Variants in PLIN3 observed in about 807,000 individuals in gnomAD.
The protein encoded by PLIN3 is perilipin-3.
Under a neutral mutation model 35.9 loss-of-function variants are expected in PLIN3, and 30 were observed. The observed-to-expected ratio is 0.84, with a 90% CI of 0.62 to 1.13. PLIN3 has a LOEUF of 1.13. Ranked by LOEUF, PLIN3 falls within the 50% of genes most tolerant of loss-of-function variation. The probability of loss-of-function intolerance (pLI) is 0.00; values close to 1 mark genes in which losing one functional copy is unlikely to be tolerated. For synonymous variants in PLIN3, 261 were observed against 262.5 expected (o/e 0.99, Z 0.06); for missense variants, 603 against 596.9 (o/e 1.01, Z -0.11).
At chr19:4,855,621 T>C (rs960225389) in intron 4 of PLIN3, among the ~76,000 whole-genome samples, 1 of 151,956 alleles carries the variant, frequency 6.6e-6, no homozygotes, top group Admixed American at 6.6e-5. Context: ...TGAGATGGAG[T>C]CTCGCTCTGT....
rs1044387883 is a variant in PLIN3, at chr19:4,843,108, T to G, written c.960+1560A>C. On this transcript the variant is annotated intron_variant, in intron 7 of 7. Transcript: ENST00000221957. ...GTGGTGACGCATGCCTGTAATCCCA[T>G]CTACTGGGGAGGTGGAGACAGGAGA... is the stretch of plus-strand genomic sequence containing the variant. Among the ~76,000 whole-genome samples, 15 of 151,824 alleles carry G rather than the reference T, an allele frequency of 9.9e-5. No individual in the cohort carries two copies. The South Asian group carries it at 1.9e-3, about 19-fold the overall frequency.
At chr19:4,842,639 G>A (rs2029932753) in intron 7 of PLIN3, among the ~76,000 whole-genome samples, 1 of 151,238 alleles carries the variant, frequency 6.6e-6, no homozygotes, top group African/African-American at 2.4e-5. Context: ...ACACTGGGAG[G>A]TAGGGTTTTG....
intron 6 of PLIN3, among the ~76,000 whole-genome samples, chr19:4,845,405 G>A (rs2030053248): frequency 1.3e-5 from 2 of 151,990 alleles, no homozygotes; most frequent in South Asian, 4.1e-4. Context: ...CAGCCTGGGT[G>A]ACAGAGCCAG....
At chr19:4,850,034 C>T (rs1197149656) in intron 5 of PLIN3, among the ~76,000 whole-genome samples, 1 of 151,954 alleles carries the variant, frequency 6.6e-6, no homozygotes, top group African/African-American at 2.4e-5. Context: ...CAAGCTCTGC[C>T]TCCCAGATTC....
intron 4 of PLIN3, among the ~76,000 whole-genome samples, chr19:4,856,744 G>A (rs2030489888): frequency 7.2e-6 from 1 of 138,962 alleles, no homozygotes; most frequent in African/African-American, 2.7e-5. Context: ...TTGCTCTGTT[G>A]CCCAGGCTGG....
At position 4,847,645 on chromosome 19, in the gene PLIN3, G is replaced by A. The variant is rs199609804; in HGVS notation, c.834+46C>T. 384 of 1,497,054 alleles carry A rather than the reference G, an allele frequency of 2.6e-4. 1 individual carries two copies. In the African/African-American group the frequency reaches 4.3e-3, roughly 17 times the overall value. The allele number at this position is 1,497,054 out of a possible 1,614,324, so 92.7% of individuals were successfully genotyped here. The stretch of plus-strand genomic sequence containing the variant: ...TGAGCTCTGGGTGGGTGTCTGCTGC[G>A]GGGTGAAGGCTGCTGGCTCAGGGCC... On this transcript the variant is annotated intron_variant, in intron 6 of 7. Coordinates refer to ENST00000221957, the MANE Select transcript of PLIN3 (RefSeq NM_005817.5).
chr19:4,845,425 C>T (rs2030054417), intron 6 of PLIN3, among the ~76,000 whole-genome samples: 2 of 151,576 alleles, frequency 1.3e-5, no homozygotes, highest in Non-Finnish European at 2.9e-5. Context: ...GACTCTATCT[C>T]AAAACAACAA....
At chr19:4,858,656 A>G (rs865878757) in intron 4 of PLIN3, among the ~76,000 whole-genome samples, 8 of 149,694 alleles carry the variant, frequency 5.3e-5, no homozygotes, top group African/African-American at 2.0e-4. Context: ...TACTGGGATT[A>G]CAGGCATGAG....
At chr19:4,861,097 G>A (rs1266879154) in intron 2 of PLIN3, among the ~76,000 whole-genome samples, 1 of 152,164 alleles carries the variant, frequency 6.6e-6, no homozygotes, top group Non-Finnish European at 1.5e-5. Context: ...GGGGAGGGCA[G>A]GTAGTTTCAG....
chr19:4,863,611 G>A (rs1173597140), intron 1 of PLIN3, among the ~76,000 whole-genome samples: 1 of 151,784 alleles, frequency 6.6e-6, no homozygotes, highest in East Asian at 1.9e-4. Context: ...CTGAGGTCAG[G>A]AGGTGGAGAC....
chr19:4,842,743 G>C (rs1004725540), intron 7 of PLIN3, among the ~76,000 whole-genome samples: 2 of 151,598 alleles, frequency 1.3e-5, no homozygotes, highest in Admixed American at 6.6e-5. Context: ...TTTTTCATTT[G>C]AAAAGTCATT....
rs1010224638 is a variant in PLIN3, at chr19:4,851,914, G to C, written c.634+102C>G. ...GATGCCCGGGAGAAGTGGCAGGGAC[G>C]AGGCGGCAGTGAGTGTCGGCACAGA... On this transcript the variant is annotated intron_variant, in intron 5 of 7. Transcript: ENST00000221957. 97 of 1,232,072 alleles carry C rather than the reference G, an allele frequency of 7.9e-5. 2 individuals carry two copies. Among genetic ancestry groups the C allele is most frequent in the East Asian group, 4.5e-4 (18 of 39,562 alleles). The allele number at this position is 1,232,072 out of a possible 1,614,324, so 76.3% of individuals were successfully genotyped here. A position where few individuals can be genotyped will look rare whatever the true frequency, so the allele number is the denominator to read the frequency against.
chr19:4,857,686 G>A (rs75527493), intron 4 of PLIN3, among the ~76,000 whole-genome samples: 18,814 of 152,034 alleles, frequency 0.12, 1,261 homozygotes, highest in Middle Eastern at 0.17. Flanking sequence ...AAAAGAAAGT[G>A]GGACCCAGGC....
At chr19:4,849,935 G>C (rs190914786) in intron 5 of PLIN3, among the ~76,000 whole-genome samples, 1 of 151,456 alleles carries the variant, frequency 6.6e-6, no homozygotes, top group Admixed American at 6.6e-5. Context: ...ACAGGCATGA[G>C]TCACCACACC....
chr19:4,846,324 A>C (rs1301813211), intron 6 of PLIN3, among the ~76,000 whole-genome samples: 6 of 151,660 alleles, frequency 4.0e-5, no homozygotes, highest in Middle Eastern at 6.8e-3. Context: ...TCTGGAAAAA[A>C]AAAAAAAAAA....
intron 7 of PLIN3, among the ~76,000 whole-genome samples, chr19:4,840,659 AAC>A (rs1350951619): frequency 2.6e-5 from 4 of 152,202 alleles, no homozygotes; most frequent in Non-Finnish European, 5.9e-5. Flanking sequence ...TGCAAATCAA[AAC>A]CATAAGGAGG....
chr19:4,840,598 T>C (rs1048439339), intron 7 of PLIN3, among the ~76,000 whole-genome samples: 1 of 152,080 alleles, frequency 6.6e-6, no homozygotes, highest in East Asian at 1.9e-4. Flanking sequence ...CCAAAGAAGA[T>C]ATAGGGAGAG....
rs528356275 is a variant in PLIN3, at chr19:4,860,506, G to A, written c.67-482C>T. Among the ~76,000 whole-genome samples, 10 of 151,838 alleles carry A rather than the reference G, an allele frequency of 6.6e-5. 1 individual carries two copies. The highest frequency in any genetic ancestry group is 2.2e-4 in the African/African-American group (9 of 41,464). ...GCGTGAGCCACCGCACTCAGCCCAC[G>A]TGCTTCCTTGAACACAGGCTATTTA... On this transcript the variant is annotated intron_variant, in intron 2 of 7. Coordinates refer to ENST00000221957, the MANE Select transcript of PLIN3 (RefSeq NM_005817.5).
In PLIN3 at chr19:4,859,623, C is replaced by T. The variant is rs756166498; in HGVS notation, c.315G>A (p.Glu105=). 1 of 1,614,160 alleles carries T rather than the reference C, an allele frequency of 6.2e-7. No individual in the cohort carries two copies. Among genetic ancestry groups the T allele is most frequent in the Admixed American group, 1.7e-5 (1 of 59,992 alleles). Residue 105 remains glutamate, a synonymous_variant, in exon 4 of 8, where the codon GAG becomes GAA. Transcript: ENST00000221957. ...YAHRGLDKLE[E]NLPILQQPTE... Reference sequence around the variant, plus strand: ...TGGGCTGCTGCAGGATGGGGAGGTTCTCCTCCAACTTGTCCAGCCCCCTGT... The same window carrying T: ...TGGGCTGCTGCAGGATGGGGAGGTTTTCCTCCAACTTGTCCAGCCCCCTGT...
Sources: gnomAD v4.1 joint callset for allele counts (sites outside exome capture counted in the v4.1 genomes callset) on GRCh38, gnomAD v4.1.1 for gene constraint, MANE v1.5 for transcripts, NCBI Gene and HGNC (gene_info 2026-07-23, HGNC 2026-07-21) for gene names.